CADPS: variants seen among roughly 807,000 people sequenced by gnomAD.
CADPS encodes the protein calcium dependent secretion activator.
A neutral mutation model predicts 167.3 loss-of-function variants in CADPS; 57 were observed. The observed-to-expected ratio is 0.34, with a 90% CI of 0.28 to 0.42. CADPS has a LOEUF of 0.42. Ranked by LOEUF, CADPS falls within the 20% of genes least tolerant of loss-of-function variation. CADPS has a pLI of 1.00. For synonymous variants in CADPS, 676 were observed against 635.3 expected, an observed-to-expected ratio of 1.06 and a Z score of -0.96; for missense variants, 1,414 against 1,738.1, an observed-to-expected ratio of 0.81 and a Z score of 3.32.
chr3:62,402,161 C>T (rs999908710), intron 29 of CADPS, among the ~76,000 whole-genome samples: 4 of 132,352 alleles, frequency 3.0e-5, no homozygotes, highest in Non-Finnish European at 6.1e-5. Flanking sequence ...CACAACGGAA[C>T]AGCAGTTGGT....
In CADPS at chr3:62,591,257, T is replaced by C. The variant is rs186364548; in HGVS notation, c.1437+1380A>G. Among the ~76,000 whole-genome samples the C allele has an allele frequency of 5.4e-3, 817 of 152,238 alleles. 10 individuals are homozygous for C. Among genetic ancestry groups the C allele is most frequent in the African/African-American group, 0.019 (781 of 41,528 alleles). ...TCTCCGTGGAGATTTTACAGTCCAG[T>C]GGGGCAGACAGAAGCCTGAATGTCT... On this transcript the variant is annotated intron_variant, in intron 7 of 29. Transcript: ENST00000383710.
intron 11 of CADPS, among the ~76,000 whole-genome samples, chr3:62,543,713 T>C (rs2076053377): frequency 6.6e-6 from 1 of 151,996 alleles, no homozygotes. Context: ...TCAGGAGAAA[T>C]GATATGACCT....
chr3:62,466,216 A>G, intron 25 of CADPS, 123 bp downstream of exon 25: 1 of 667,792 alleles, frequency 1.5e-6, no homozygotes, highest in Non-Finnish European at 2.7e-6. Context: ...GTGATGTACA[A>G]TCTTGTTTCC....
rs116505662 is a variant in CADPS, at chr3:62,633,637, C to T, written c.1325+12085G>A. Reference sequence around the variant, plus strand: ...TCTTGCTTAGGTTTAAGTGCAAATGCCACCTCTTGGGGATATTTTGTGACC... The same window carrying T: ...TCTTGCTTAGGTTTAAGTGCAAATGTCACCTCTTGGGGATATTTTGTGACC... On this transcript the variant is annotated intron_variant, in intron 6 of 29. Transcript: ENST00000383710. 3.0e-3 allele frequency among the ~76,000 whole-genome samples: 462 copies of T among 152,210 alleles called. 3 individuals carry two copies. Among genetic ancestry groups the T allele is most frequent in the African/African-American group, 0.011 (445 of 41,538 alleles).
At chr3:62,610,871 C>T (rs969641989) in intron 6 of CADPS, among the ~76,000 whole-genome samples, 1 of 148,242 alleles carries the variant, frequency 6.7e-6, no homozygotes. Context: ...ACCAATGGTT[C>T]TTAATTGGGA....
At chr3:62,424,572 C>G (rs140882626) in intron 28 of CADPS, among the ~76,000 whole-genome samples, 181 of 152,214 alleles carry the variant, frequency 1.2e-3, no homozygotes, top group Non-Finnish European at 1.9e-3. Flanking sequence ...TGTCTTGACC[C>G]AGAGCATTAG....
chr3:62,841,618 G>T (rs1463740717), intron 1 of CADPS, among the ~76,000 whole-genome samples: 3 of 152,182 alleles, frequency 2.0e-5, no homozygotes. Flanking sequence ...TCAGGAGGGT[G>T]AGGCAGGAAG....
At chr3:62,831,397 G>T (rs1336648931) in intron 1 of CADPS, among the ~76,000 whole-genome samples, 3 of 152,132 alleles carry the variant, frequency 2.0e-5, no homozygotes, top group African/African-American at 4.8e-5. Flanking sequence ...GCATGAGGCT[G>T]CTTCTGTAAC....
At chr3:62,743,271 C>G (rs2080704656) in intron 3 of CADPS, among the ~76,000 whole-genome samples, 1 of 152,028 alleles carries the variant, frequency 6.6e-6, no homozygotes, top group Non-Finnish European at 1.5e-5. Flanking sequence ...AAACTGCAGC[C>G]CTTGAGTCAA....
chr3:62,752,544 G>A (rs115909626), intron 3 of CADPS, among the ~76,000 whole-genome samples: 3 of 152,142 alleles, frequency 2.0e-5, no homozygotes, highest in African/African-American at 7.2e-5. Flanking sequence ...CATTTACTGA[G>A]CATTCACTCT....
intron 3 of CADPS, among the ~76,000 whole-genome samples, chr3:62,727,009 T>C (rs890836955): frequency 2.0e-5 from 3 of 151,906 alleles, no homozygotes; most frequent in African/African-American, 7.3e-5. Flanking sequence ...CTGTCTTAGA[T>C]TGCTGGTAGC....
At chr3:62,872,483 G>A (rs1309857908) in intron 1 of CADPS, among the ~76,000 whole-genome samples, 2 of 152,142 alleles carry the variant, frequency 1.3e-5, no homozygotes, top group Admixed American at 1.3e-4. Context: ...ACTGGGATAT[G>A]TATTTAGCAA....
At chr3:62,559,174 T>C (rs542885700) in intron 9 of CADPS, among the ~76,000 whole-genome samples, 73 of 152,326 alleles carry the variant, frequency 4.8e-4, no homozygotes, top group Admixed American at 2.8e-3. Flanking sequence ...CTTTCTAATA[T>C]AGTATAGCTT....
At chr3:62,632,706 A>G (rs1050822405) in intron 6 of CADPS, among the ~76,000 whole-genome samples, 1 of 152,164 alleles carries the variant, frequency 6.6e-6, no homozygotes, top group African/African-American at 2.4e-5. Flanking sequence ...AAGCACGACC[A>G]CAAGCACAGT....
At chr3:62,416,352 T>A (rs1298025275) in intron 28 of CADPS, among the ~76,000 whole-genome samples, 1 of 152,240 alleles carries the variant, frequency 6.6e-6, no homozygotes, top group Non-Finnish European at 1.5e-5. Flanking sequence ...ATTACCATAG[T>A]AACTCACACC....
At chr3:62,665,433 C>T (rs987091787) in intron 3 of CADPS, among the ~76,000 whole-genome samples, 1 of 152,170 alleles carries the variant, frequency 6.6e-6, no homozygotes, top group Non-Finnish European at 1.5e-5. Flanking sequence ...GAGGAACATG[C>T]CCCAAATCAC....
chr3:62,715,801 G>C, intron 3 of CADPS, among the ~76,000 whole-genome samples: 1 of 118,544 alleles, frequency 8.4e-6, no homozygotes, highest in South Asian at 2.7e-4. Context: ...GTGTCGCCCA[G>C]GCTGGAGTGC....
chr3:62,691,262 A>G (rs549370661), intron 3 of CADPS, among the ~76,000 whole-genome samples: 2 of 152,068 alleles, frequency 1.3e-5, no homozygotes, highest in South Asian at 2.1e-4. Flanking sequence ...GTCATTATGT[A>G]TTTGCCAAAA....
At chr3:62,471,209 T>G (rs1252284718) in intron 24 of CADPS, among the ~76,000 whole-genome samples, 1 of 152,134 alleles carries the variant, frequency 6.6e-6, no homozygotes, top group Admixed American at 6.5e-5. Flanking sequence ...AAAAGGCAAC[T>G]TATTCTTCTA....
Sources: allele counts gnomAD v4.1 joint callset (sites outside exome capture counted in the v4.1 genomes callset), GRCh38; gene constraint gnomAD v4.1.1; transcripts MANE v1.5; gene names NCBI Gene and HGNC (gene_info 2026-07-23, HGNC 2026-07-21).